The following SHISA9 variants were observed in gnomAD, a reference collection of about 807,000 sequenced individuals.
SHISA9 encodes the protein protein shisa-9.
A neutral mutation model predicts 38.0 loss-of-function variants in SHISA9; 13 were observed. That is an observed-to-expected ratio of 0.34 (90% CI 0.22 to 0.54). The LOEUF is 0.54. SHISA9 is among the 20% of genes least tolerant of loss of function. The pLI, the probability that SHISA9 is intolerant of heterozygous loss-of-function variation, is 0.91. For synonymous variants in SHISA9, 275 were observed against 242.0 expected, an observed-to-expected ratio of 1.14 and a Z score of -1.27; for missense variants, 538 against 575.8, an observed-to-expected ratio of 0.93 and a Z score of 0.67.
the SHISA9 span, among the ~76,000 whole-genome samples, chr16:13,475,972 A>G: frequency 1.4e-4 from 22 of 152,286 alleles, no homozygotes; most frequent in East Asian, 3.5e-3. Flanking sequence ...GAGCAGCTGT[A>G]AATAAAGATG....
chr16:13,094,990 G>A (rs369888547), intron 2 of SHISA9, among the ~76,000 whole-genome samples: 46 of 152,252 alleles, frequency 3.0e-4, no homozygotes, highest in Admixed American at 4.6e-4. Flanking sequence ...TATTTCTTCC[G>A]TTTCCTCCTC....
chr16:12,971,980 A>G (rs1187111542), intron 2 of SHISA9, among the ~76,000 whole-genome samples: 1 of 151,132 alleles, frequency 6.6e-6, no homozygotes, highest in African/African-American at 2.4e-5. Flanking sequence ...GCCAGACACA[A>G]TTCTAGACAT....
chr16:13,344,326 T>G, the SHISA9 span, among the ~76,000 whole-genome samples: 2 of 152,172 alleles, frequency 1.3e-5, no homozygotes, highest in African/African-American at 4.8e-5. Context: ...ACAATTCATC[T>G]ACGAAAGGTT....
intron 2 of SHISA9, among the ~76,000 whole-genome samples, chr16:13,076,837 T>C (rs1354270350): frequency 1.3e-5 from 2 of 152,234 alleles, no homozygotes; most frequent in African/African-American, 4.8e-5. Context: ...TCTGAGACCG[T>C]ATCCCTACTT....
At chr16:12,937,350 T>C (rs2071547979) in intron 2 of SHISA9, among the ~76,000 whole-genome samples, 1 of 152,188 alleles carries the variant, frequency 6.6e-6, no homozygotes. Context: ...GCACTCTAAT[T>C]CTCCTCTCCA....
At chr16:13,299,124 C>T in the SHISA9 span, among the ~76,000 whole-genome samples, 1 of 152,194 alleles carries the variant, frequency 6.6e-6, no homozygotes. Context: ...CTTAGATATC[C>T]CTCTCCACTT....
intron 2 of SHISA9, among the ~76,000 whole-genome samples, chr16:12,982,866 G>C (rs1360431923): frequency 6.6e-6 from 1 of 152,226 alleles, no homozygotes; most frequent in African/African-American, 2.4e-5. Flanking sequence ...ATTATAGGTA[G>C]CTGTCAGTTT....
intron 3 of SHISA9, among the ~76,000 whole-genome samples, chr16:13,205,136 G>T (rs2051051918): frequency 6.6e-6 from 1 of 152,110 alleles, no homozygotes; most frequent in Admixed American, 6.6e-5. Flanking sequence ...GATGCCCCAG[G>T]TCCACCCTGG....
At chr16:13,499,411 T>C in the SHISA9 span, among the ~76,000 whole-genome samples, 5 of 152,182 alleles carry the variant, frequency 3.3e-5, no homozygotes, top group Admixed American at 3.3e-4. Context: ...ATGAGTGTTA[T>C]TTAAGATTAA....
In SHISA9 at chr16:12,909,036, C is replaced by T. The variant is rs778749431; in HGVS notation, c.563+6409C>T. The T allele has an allele frequency of 8.1e-4, 810 of 998,126 alleles. 1 individual carries two copies. Among genetic ancestry groups the T allele is most frequent in the Non-Finnish European group, 9.5e-4 (793 of 837,710 alleles). The allele number at this position is 998,126 out of a possible 1,614,324, so 61.8% of individuals were successfully genotyped here. A position where few individuals can be genotyped will look rare whatever the true frequency, so the allele number is the denominator to read the frequency against. On this transcript the variant is annotated intron_variant, in intron 1 of 4. Coordinates refer to ENST00000558583, the MANE Select transcript of SHISA9 (RefSeq NM_001145204.3). ...TTGCCTTTTGCCTTCCAGTTTCTCT[C>T]CTGCCTCTCATCTTTCTATGCATTT...
chr16:13,162,473 A>G lies in SHISA9; in HGVS notation c.692-40921A>G, dbSNP rs559849874. ...TTTTTACCTTGCATTAGCATCAATC[A>G]CTGCGCTGAGCATACAGTACATCTT... On this transcript the variant is annotated intron_variant, in intron 2 of 4. Coordinates refer to ENST00000558583, the MANE Select transcript of SHISA9 (RefSeq NM_001145204.3). 1.5e-3 allele frequency among the ~76,000 whole-genome samples: 225 copies of G among 152,312 alleles called. 1 individual carries two copies. The highest frequency in any genetic ancestry group is 8.1e-3 in the South Asian group (39 of 4,826).
intron 2 of SHISA9, among the ~76,000 whole-genome samples, chr16:13,129,200 TAAG>T (rs2050287042): frequency 2.0e-5 from 3 of 152,174 alleles, no homozygotes; most frequent in African/African-American, 7.2e-5. Context: ...AAAGAAAAAA[TAAG>T]AAAATTTTGT....
intron 2 of SHISA9, among the ~76,000 whole-genome samples, chr16:13,048,873 C>T (rs186141058): frequency 2.0e-5 from 3 of 152,254 alleles, no homozygotes; most frequent in Admixed American, 1.3e-4. Flanking sequence ...TTTATTGAGT[C>T]GATCATTCAG....
At chr16:13,072,455 T>C (rs140812199) in intron 2 of SHISA9, among the ~76,000 whole-genome samples, 172 of 152,254 alleles carry the variant, frequency 1.1e-3, no homozygotes, top group Middle Eastern at 6.8e-3. Context: ...AGTTATCTCT[T>C]GGCGAAATTC....
chr16:13,241,278 G>T (rs1223333534), downstream of SHISA9, among the ~76,000 whole-genome samples: 2 of 152,178 alleles, frequency 1.3e-5, no homozygotes, highest in Non-Finnish European at 2.9e-5. Context: ...ACTTTGGGAG[G>T]CCAAGGCGGG....
chr16:13,070,779 A>G (rs1401289407), intron 2 of SHISA9, among the ~76,000 whole-genome samples: 1 of 152,170 alleles, frequency 6.6e-6, no homozygotes, highest in Non-Finnish European at 1.5e-5. Flanking sequence ...AGACTGAGAG[A>G]TAATAAATAA....
At chr16:13,055,326 A>G (rs963687067) in intron 2 of SHISA9, among the ~76,000 whole-genome samples, 2 of 152,122 alleles carry the variant, frequency 1.3e-5, no homozygotes, top group Non-Finnish European at 2.9e-5. Context: ...GCCCATAACC[A>G]CAGTGCTGTT....
At chr16:13,352,026 T>G in the SHISA9 span, among the ~76,000 whole-genome samples, 119,345 of 152,132 alleles carry the variant, frequency 0.78, 47,055 homozygotes, top group East Asian at 0.96. Flanking sequence ...CATCAAAGGA[T>G]GCTGGAGAGA....
chr16:13,448,202 T>A, the SHISA9 span, among the ~76,000 whole-genome samples: 1 of 152,194 alleles, frequency 6.6e-6, no homozygotes, highest in Non-Finnish European at 1.5e-5. Flanking sequence ...TGGAGTGCTT[T>A]CCCTGGAAGT....
Sources: allele counts gnomAD v4.1 joint callset (sites outside exome capture counted in the v4.1 genomes callset), GRCh38; gene constraint gnomAD v4.1.1; transcripts MANE v1.5; gene names NCBI Gene and HGNC (gene_info 2026-07-23, HGNC 2026-07-21).